The following TMEM231 variants were observed in gnomAD, a reference collection of about 807,000 sequenced individuals.
The protein encoded by TMEM231 is transmembrane protein 231.
A neutral mutation model predicts 38.5 loss-of-function variants in TMEM231; 40 were observed. The observed-to-expected ratio is 1.04, with a 90% confidence interval of 0.81 to 1.35. The LOEUF (loss-of-function observed/expected upper bound fraction) is 1.35, where lower values mean the gene tolerates loss of function less well. Ranked by LOEUF, TMEM231 falls within the 40% of genes most tolerant of loss-of-function variation. The pLI, the probability that TMEM231 is intolerant of heterozygous loss-of-function variation, is 0.00. For synonymous variants in TMEM231, 199 were observed against 181.7 expected, an observed-to-expected ratio of 1.10 and a Z score of -0.77; for missense variants, 420 against 416.9, an observed-to-expected ratio of 1.01 and a Z score of -0.07.
At chr16:75,553,207 A>C (rs1416385406) in intron 2 of TMEM231, among the ~76,000 whole-genome samples, 1 of 152,162 alleles carries the variant, frequency 6.6e-6, no homozygotes, top group Non-Finnish European at 1.5e-5. Flanking sequence ...TCCTGGATAG[A>C]CTGACGTCAG....
intron 2 of TMEM231, among the ~76,000 whole-genome samples, chr16:75,553,802 T>A (rs1402345368): frequency 1.3e-5 from 2 of 152,034 alleles, no homozygotes; most frequent in Admixed American, 1.3e-4. Context: ...GGATTACAGG[T>A]GTGAGCTATC....
intron 4 of TMEM231, among the ~76,000 whole-genome samples, chr16:75,543,695 T>C (rs974101516): frequency 5.3e-5 from 8 of 152,240 alleles, no homozygotes; most frequent in African/African-American, 1.7e-4. Flanking sequence ...CTTTTAAATA[T>C]AGAGATATAG....
chr16:75,549,507 G>C (rs899768890), intron 2 of TMEM231, among the ~76,000 whole-genome samples: 9 of 152,162 alleles, frequency 5.9e-5, no homozygotes, highest in African/African-American at 2.2e-4. Context: ...TAAATTGAGG[G>C]TGAGGTTATG....
At chr16:75,551,537 A>G (rs942104642) in intron 2 of TMEM231, among the ~76,000 whole-genome samples, 4 of 152,264 alleles carry the variant, frequency 2.6e-5, no homozygotes, top group Non-Finnish European at 4.4e-5. Context: ...TATTTTATAT[A>G]CCACTGATAA....
intron 2 of TMEM231, among the ~76,000 whole-genome samples, chr16:75,549,216 A>G (rs1416347072): frequency 1.3e-5 from 2 of 152,190 alleles, no homozygotes; most frequent in East Asian, 3.9e-4. Context: ...GAATAAATCA[A>G]TTATTTAATT....
intron 2 of TMEM231, among the ~76,000 whole-genome samples, chr16:75,554,685 C>A (rs1245727094): frequency 6.6e-6 from 1 of 152,032 alleles, no homozygotes; most frequent in Non-Finnish European, 1.5e-5. Context: ...AAAACTGAGC[C>A]TTCAATTTCT....
chr16:75,539,132 AG>A lies in TMEM231; in HGVS notation c.*861del, dbSNP rs1247739438. The A allele has an allele frequency of 7.9e-5, 12 of 151,638 alleles. No individual in the cohort carries two copies. Among genetic ancestry groups the A allele is most frequent in the African/African-American group, 2.7e-4 (11 of 41,368 alleles). The allele number at this position is 151,638 out of a possible 1,614,324, so 9.4% of individuals were successfully genotyped here. A position where few individuals can be genotyped will look rare whatever the true frequency, so the allele number is the denominator to read the frequency against. Reference sequence around the variant, plus strand: ...CCTGTCGCCCCTGTCCTTTGCAGGAAGGGGGAGGGCTGTCAAGGAGGAGGAG... The same window carrying A: ...CCTGTCGCCCCTGTCCTTTGCAGGAAGGGGAGGGCTGTCAAGGAGGAGGAG... On this transcript the variant is annotated 3_prime_UTR_variant, in exon 7 of 7. Coordinates refer to ENST00000258173, the MANE Select transcript of TMEM231 (RefSeq NM_001077418.3).
intron 5 of TMEM231, 51 bp from the exon 6 acceptor site, chr16:75,541,506 G>C: frequency 8.0e-7 from 1 of 1,245,140 alleles, no homozygotes; most frequent in Middle Eastern, 2.0e-4. Context: ...GACTCTGGCA[G>C]TTGAAGGCTA....
At chr16:75,551,876 C>T (rs574159593) in intron 2 of TMEM231, among the ~76,000 whole-genome samples, 2 of 151,750 alleles carry the variant, frequency 1.3e-5, no homozygotes, top group South Asian at 2.1e-4. Context: ...GCAGGAGAAT[C>T]GCTTGAACCC....
intron 2 of TMEM231, among the ~76,000 whole-genome samples, chr16:75,551,799 T>G (rs570910723): frequency 3.3e-5 from 5 of 151,730 alleles, no homozygotes; most frequent in African/African-American, 1.2e-4. Context: ...CCGTCTCTAC[T>G]AAAAATACAA....
chr16:75,555,837 C>T lies in TMEM231; in HGVS notation c.276G>A (p.Leu92=), dbSNP rs2080803533. ...GCGGGACGCGCAGGCGATCCCCTTG[C>T]AGCCGGTTGAAGGCGGGGAACGTGC... ...AWSTFPAFNR[L]QGDRLRVPLV... The change falls in exon 2 of 7, where the codon CTG becomes CTA. Residue 92 remains leucine, a synonymous_variant. Transcript: ENST00000258173. 2 of 1,575,494 alleles carry T rather than the reference C, an allele frequency of 1.3e-6. No homozygotes were observed. Among genetic ancestry groups the T allele is most frequent in the African/African-American group, 1.4e-5 (1 of 73,972 alleles).
At chr16:75,550,038 T>A (rs1284555195) in intron 2 of TMEM231, among the ~76,000 whole-genome samples, 3 of 152,106 alleles carry the variant, frequency 2.0e-5, no homozygotes, top group African/African-American at 7.2e-5. Flanking sequence ...GAATAAATAG[T>A]CCCATAGGTA....
chr16:75,538,863 T>TA lies in TMEM231; in HGVS notation c.*1130dup, dbSNP rs2080588763. The stretch of plus-strand genomic sequence containing the variant: ...ATCTCTGCTCCTGCAGACACTTGCT[T>TA]AGCCACGAGGGTAATCCACTGGACT... On this transcript the variant is annotated 3_prime_UTR_variant, in exon 7 of 7. Transcript: ENST00000258173. 2 of 152,482 alleles carry TA rather than the reference T, an allele frequency of 1.3e-5. No homozygotes were observed. Among genetic ancestry groups the TA allele is most frequent in the South Asian group, 4.1e-4 (2 of 4,832 alleles). 9.4% of individuals were successfully genotyped at this position (152,482 alleles called of 1,614,324 possible).
chr16:75,543,560 ACT>A (rs1254435273), intron 4 of TMEM231, among the ~76,000 whole-genome samples: 1 of 152,082 alleles, frequency 6.6e-6, no homozygotes, highest in African/African-American at 2.4e-5. Flanking sequence ...ACAGAGCAAG[ACT>A]CTGTCTCAAA....
rs1318615822 is a variant in TMEM231, at chr16:75,541,413, C to T, written c.707G>A (p.Gly236Asp). 5 of 1,611,848 alleles carry T rather than the reference C, an allele frequency of 3.1e-6. No homozygotes were observed. The highest frequency in any genetic ancestry group is 2.5e-6 in the Non-Finnish European group (3 of 1,178,836). The part of the protein sequence containing the change: ...LNDPNPIWLV[G>D]RAADAPFVIN... Reference sequence around the variant, plus strand: ...CACAAATGGAGCATCTGCGGCCCTGCCCACCAGCCAGATGGGGTTGGGATC... The same window carrying T: ...CACAAATGGAGCATCTGCGGCCCTGTCCACCAGCCAGATGGGGTTGGGATC... Residue 236 changes from glycine (G) to aspartate (D), a missense_variant, in exon 6 of 7, where the codon GGC becomes GAC. Coordinates refer to ENST00000258173, the MANE Select transcript of TMEM231 (RefSeq NM_001077418.3).
At chr16:75,541,549 TG>T in intron 5 of TMEM231, 94 bp from the exon 6 acceptor site, 1 of 710,550 alleles carries the variant, frequency 1.4e-6, no homozygotes, top group Non-Finnish European at 2.2e-6. Context: ...AATTATCCTG[TG>T]CTTCAGAACT....
intron 4 of TMEM231, among the ~76,000 whole-genome samples, chr16:75,544,744 A>G (rs1413165462): frequency 6.6e-6 from 1 of 152,080 alleles, no homozygotes; most frequent in Non-Finnish European, 1.5e-5. Flanking sequence ...GGAAGACACA[A>G]TGTGTGTGTG....
chr16:75,542,597 C>G lies in TMEM231; in HGVS notation c.664+5G>C. On this transcript the variant is annotated splice_donor_5th_base_variant and intron_variant, in intron 5 of 6. Transcript: ENST00000258173. ...GCGGCTGAATGGGCTCTACCTGTGA[C>G]TCACCGTTCCTCTCCTGGTAGGCAG... 1 of 1,613,682 alleles carries G rather than the reference C, an allele frequency of 6.2e-7. No homozygotes were observed. The highest frequency in any genetic ancestry group is 8.5e-7 in the Non-Finnish European group (1 of 1,179,694).
chr16:75,548,749 A>G (rs2080721941), intron 2 of TMEM231, among the ~76,000 whole-genome samples: 1 of 152,136 alleles, frequency 6.6e-6, no homozygotes, highest in African/African-American at 2.4e-5. Flanking sequence ...TGCACCTGTA[A>G]TCCCAGCTAC....
Sources: allele counts gnomAD v4.1 joint callset (sites outside exome capture counted in the v4.1 genomes callset), GRCh38; gene constraint gnomAD v4.1.1; transcripts MANE v1.5; gene names NCBI Gene and HGNC (gene_info 2026-07-23, HGNC 2026-07-21).